The following AGBL1 variants were observed in gnomAD, a reference collection of about 807,000 sequenced individuals.
AGBL1 encodes cytosolic carboxypeptidase 4.
A neutral mutation model predicts 118.9 loss-of-function variants in AGBL1; 130 were observed. That is an observed-to-expected ratio of 1.09 (90% CI 0.95 to 1.26). The LOEUF (loss-of-function observed/expected upper bound fraction) is 1.26. Among genes scored for constraint, AGBL1 ranks in the 50% most tolerant of loss-of-function variants. The pLI is 0.00. For synonymous variants in AGBL1, 555 were observed against 478.9 expected (o/e 1.16, Z -2.08); for missense variants, 1,584 against 1,298.1 (o/e 1.22, Z -3.38).
chr15:86,490,113 T>A (rs909255068), intron 18 of AGBL1, among the ~76,000 whole-genome samples: 3 of 152,122 alleles, frequency 2.0e-5, no homozygotes, highest in African/African-American at 7.2e-5. Context: ...AAGGCAGCTA[T>A]GACGTCCCGC....
At chr15:86,626,067 A>G (rs568705784) in intron 21 of AGBL1, among the ~76,000 whole-genome samples, 5 of 152,326 alleles carry the variant, frequency 3.3e-5, no homozygotes, top group Non-Finnish European at 7.3e-5. Flanking sequence ...CAGGAAAAAA[A>G]GGGTTGCATT....
chr15:86,526,246 T>A (rs118010674), intron 19 of AGBL1, among the ~76,000 whole-genome samples: 2 of 152,150 alleles, frequency 1.3e-5, no homozygotes, highest in Non-Finnish European at 2.9e-5. Context: ...CAAAAGGGAA[T>A]GCTTATACAC....
At chr15:86,461,122 T>G (rs1311403772) in intron 18 of AGBL1, among the ~76,000 whole-genome samples, 1 of 152,158 alleles carries the variant, frequency 6.6e-6, no homozygotes, top group Non-Finnish European at 1.5e-5. Context: ...CCTGGGTGAT[T>G]CTGATGTCAT....
intron 24 of AGBL1, among the ~76,000 whole-genome samples, chr15:87,013,132 T>C (rs767614814): frequency 6.6e-6 from 1 of 152,176 alleles, no homozygotes; most frequent in Non-Finnish European, 1.5e-5. Context: ...CCATGATATG[T>C]CTCTCAGGGC....
chr15:86,674,443 T>C lies in AGBL1; in HGVS notation c.3158+7T>C, dbSNP rs776641972. 10 of 1,602,162 alleles carry C rather than the reference T, an allele frequency of 6.2e-6. No individual in the cohort carries two copies. In the Admixed American group the frequency reaches 1.3e-4, roughly 21 times the overall value. ...TGGACCAGCACCTCCAACGGTAAGA[T>C]GCTCCCAAGGGCTCAGAGAAATTTG... On this transcript the variant is annotated splice_region_variant and intron_variant, in intron 22 of 22. Coordinates refer to ENST00000614907, the MANE Select transcript of AGBL1 (RefSeq NM_001386094.1).
chr15:86,836,313 TAA>T (rs2079170388), intron 22 of AGBL1, among the ~76,000 whole-genome samples: 1 of 152,130 alleles, frequency 6.6e-6, no homozygotes, highest in African/African-American at 2.4e-5. Context: ...GTCAGTGACT[TAA>T]GAGTTAAGAT....
intron 22 of AGBL1, among the ~76,000 whole-genome samples, chr15:86,778,932 T>C (rs1236845255): frequency 6.6e-6 from 1 of 152,166 alleles, no homozygotes; most frequent in Admixed American, 6.5e-5. Flanking sequence ...TAAGAAATTA[T>C]AAAAGTATTA....
At chr15:86,634,221 C>A (rs72762046) in intron 21 of AGBL1, among the ~76,000 whole-genome samples, 11,988 of 151,980 alleles carry the variant, frequency 0.079, 617 homozygotes, top group Non-Finnish European at 0.089. Context: ...GGTGTATATG[C>A]AAGAGAAGTG....
chr15:86,259,794 C>T (rs941154413), intron 9 of AGBL1, among the ~76,000 whole-genome samples: 1 of 152,240 alleles, frequency 6.6e-6, no homozygotes, highest in Non-Finnish European at 1.5e-5. Context: ...TTTCCCCTCC[C>T]CTCTTGCTTG....
intron 21 of AGBL1, among the ~76,000 whole-genome samples, chr15:86,658,308 T>C (rs1377083447): frequency 1.3e-5 from 2 of 152,158 alleles, no homozygotes; most frequent in African/African-American, 4.8e-5. Flanking sequence ...ATTTTGTCCT[T>C]AGCCTGAGAA....
rs368317404 is a variant in AGBL1 at position 86,302,543 on chromosome 15, G to A, written c.2374+7135G>A. Among the ~76,000 whole-genome samples the A allele has an allele frequency of 1.1e-4, 17 of 152,096 alleles. No individual in the cohort carries two copies. The South Asian group carries it at 1.2e-3, about 11-fold the overall frequency. ...TGTAATCCCAGCACTTTGGGAGGCC[G>A]AGGTGGGTGGATCATTTGAGGTCAG... is the stretch of plus-strand genomic sequence containing the variant. On this transcript the variant is annotated intron_variant, in intron 17 of 22. Coordinates refer to ENST00000614907, the MANE Select transcript of AGBL1 (RefSeq NM_001386094.1).
chr15:86,940,469 A>G (rs1437805593), intron 23 of AGBL1, among the ~76,000 whole-genome samples: 1 of 152,174 alleles, frequency 6.6e-6, no homozygotes, highest in Non-Finnish European at 1.5e-5. Context: ...AGTACTGGTT[A>G]TATGCTGAAT....
chr15:86,621,300 C>A (rs1264802754), intron 21 of AGBL1, among the ~76,000 whole-genome samples: 1 of 152,152 alleles, frequency 6.6e-6, no homozygotes, highest in Non-Finnish European at 1.5e-5. Flanking sequence ...TGGTTCAAGT[C>A]CTTGCTCTGC....
chr15:86,636,205 A>G (rs76189778), intron 21 of AGBL1, among the ~76,000 whole-genome samples: 6,017 of 152,188 alleles, frequency 0.04, 188 homozygotes, highest in East Asian at 0.11. Context: ...TAAAATACCC[A>G]CTTCTACAAA....
At chr15:86,458,999 T>C (rs188656149) in intron 18 of AGBL1, among the ~76,000 whole-genome samples, 5 of 152,322 alleles carry the variant, frequency 3.3e-5, no homozygotes, top group Admixed American at 3.3e-4. Flanking sequence ...CTTAAAAGCT[T>C]GGTAAAATCT....
At chr15:86,228,330 G>T (rs75543007) in intron 6 of AGBL1, among the ~76,000 whole-genome samples, 1 of 152,106 alleles carries the variant, frequency 6.6e-6, no homozygotes, top group Non-Finnish European at 1.5e-5. Context: ...TAAACCTTTA[G>T]CTCCTAAAGG....
chr15:86,604,188 ACAAG>A (rs1333672167), intron 21 of AGBL1, among the ~76,000 whole-genome samples: 4 of 152,144 alleles, frequency 2.6e-5, no homozygotes, highest in African/African-American at 9.7e-5. Context: ...AACTCAACAA[ACAAG>A]CAAAGAAATA....
downstream of AGBL1, among the ~76,000 whole-genome samples, chr15:86,918,689 T>C (rs1433803813): frequency 6.6e-6 from 1 of 152,220 alleles, no homozygotes; most frequent in East Asian, 1.9e-4. Context: ...CTGTGTGACC[T>C]TTTACAGAAA....
At chr15:86,844,280 A>G (rs1301457804) in intron 22 of AGBL1, among the ~76,000 whole-genome samples, 2 of 152,214 alleles carry the variant, frequency 1.3e-5, no homozygotes, top group African/African-American at 4.8e-5. Context: ...TTTCACTTTT[A>G]AGTAACTGCC....
Sources: allele counts gnomAD v4.1 joint callset (sites outside exome capture counted in the v4.1 genomes callset), GRCh38; gene constraint gnomAD v4.1.1; transcripts MANE v1.5; gene names NCBI Gene and HGNC (gene_info 2026-07-23, HGNC 2026-07-21).